Variants in METTL15 observed in about 807,000 individuals in gnomAD.
The protein encoded by METTL15 is methyltransferase 15, mitochondrial 12S rRNA N4-cytidine, also known as 12S rRNA N(4)-cytidine methyltransferase METTL15.
A neutral mutation model predicts 38.3 loss-of-function variants in METTL15; 34 were observed. The ratio of observed to expected loss-of-function variants is 0.89; its 90% CI spans 0.68 to 1.18. METTL15 has a LOEUF of 1.18. Ranked by LOEUF, METTL15 falls within the 50% of genes most tolerant of loss-of-function variation. The pLI is 0.00. For missense variants in METTL15, 438 were observed against 498.4 expected (o/e 0.88, Z 1.15); for synonymous variants, 162 against 170.9 (o/e 0.95, Z 0.41).
chr11:28,392,489 G>C (rs542565209), intron 5 of METTL15, among the ~76,000 whole-genome samples: 53 of 152,056 alleles, frequency 3.5e-4, no homozygotes, highest in Non-Finnish European at 7.4e-4. Flanking sequence ...ATGTGGAAAA[G>C]ATAGTCTCTT....
intron 4 of METTL15, among the ~76,000 whole-genome samples, chr11:28,237,000 G>C (rs1022230206): frequency 6.6e-6 from 1 of 151,930 alleles, no homozygotes; most frequent in Non-Finnish European, 1.5e-5. Context: ...TCCCTTTGTG[G>C]GTAACCCGAT....
At chr11:28,217,490 T>G (rs1228085243) in intron 4 of METTL15, among the ~76,000 whole-genome samples, 3 of 152,166 alleles carry the variant, frequency 2.0e-5, no homozygotes, top group Admixed American at 6.5e-5. Context: ...TGCAAAAATT[T>G]TCTCCCATTC....
intron 6 of METTL15, among the ~76,000 whole-genome samples, chr11:28,429,428 GACTGT>G (rs1311207347): frequency 1.8e-5 from 2 of 110,088 alleles, no homozygotes; most frequent in African/African-American, 7.1e-5. Flanking sequence ...GCCGAAGCTG[GACTGT>G]ACTGCTGCCA....
At chr11:28,150,062 C>T (rs1405985190) in intron 3 of METTL15, among the ~76,000 whole-genome samples, 2 of 151,880 alleles carry the variant, frequency 1.3e-5, no homozygotes, top group South Asian at 2.1e-4. Context: ...CAGGGTACAT[C>T]TCTTGGGCAG....
intron 3 of METTL15, among the ~76,000 whole-genome samples, chr11:28,189,932 T>C (rs1161549805): frequency 6.6e-6 from 1 of 151,344 alleles, no homozygotes; most frequent in Non-Finnish European, 1.5e-5. Flanking sequence ...ACAGACTTCA[T>C]ATATATTTGC....
At chr11:28,295,490 A>ACTCGGGAGGCTGAGGCAGGAGAATCT (rs1856697984) in intron 5 of METTL15, among the ~76,000 whole-genome samples, 1 of 151,906 alleles carries the variant, frequency 6.6e-6, no homozygotes, top group Non-Finnish European at 1.5e-5. Context: ...ATTGTAAGCT[A>ACTCGGGAGGCTGAGGCAGGAGAATCT]CTCGGGAGGC....
At chr11:28,338,677 A>G (rs1849922988) in intron 3 of METTL15, among the ~76,000 whole-genome samples, 1 of 152,122 alleles carries the variant, frequency 6.6e-6, no homozygotes, top group Non-Finnish European at 1.5e-5. Context: ...AATGAAAGAA[A>G]CAGAGTTTGG....
chr11:28,241,964 G>T (rs372349284), intron 4 of METTL15, among the ~76,000 whole-genome samples: 1 of 152,192 alleles, frequency 6.6e-6, no homozygotes, highest in Non-Finnish European at 1.5e-5. Flanking sequence ...AGAGTTTTCA[G>T]TGAGTGACAT....
intron 4 of METTL15, among the ~76,000 whole-genome samples, chr11:28,279,931 A>AG: frequency 6.7e-6 from 1 of 150,180 alleles, no homozygotes; most frequent in Admixed American, 6.7e-5. Context: ...AAAAAAAAAA[A>AG]GGAAGGCTAA....
chr11:28,401,292 C>A (rs1850628461), intron 5 of METTL15, among the ~76,000 whole-genome samples: 1 of 151,946 alleles, frequency 6.6e-6, no homozygotes, highest in Non-Finnish European at 1.5e-5. Context: ...AAATACCTGC[C>A]TGGGATAATC....
At chr11:28,412,289 A>G (rs982927571) in intron 5 of METTL15, among the ~76,000 whole-genome samples, 1 of 151,998 alleles carries the variant, frequency 6.6e-6, no homozygotes, top group Non-Finnish European at 1.5e-5. Context: ...GGATGTGTGC[A>G]TGCCCATGAT....
chr11:28,340,627 A>G (rs1174392792), intron 3 of METTL15, among the ~76,000 whole-genome samples: 1 of 152,198 alleles, frequency 6.6e-6, no homozygotes, highest in African/African-American at 2.4e-5. Flanking sequence ...ATGAGATACC[A>G]TCTCACGCCA....
chr11:28,509,550 T>G (rs545272465), intron 6 of METTL15, among the ~76,000 whole-genome samples: 83 of 152,000 alleles, frequency 5.5e-4, no homozygotes, highest in African/African-American at 1.9e-3. Context: ...ACATCCCAGA[T>G]GTAGAATAAT....
At chr11:28,296,109 A>G (rs931889087) in intron 5 of METTL15, among the ~76,000 whole-genome samples, 4 of 152,150 alleles carry the variant, frequency 2.6e-5, no homozygotes, top group African/African-American at 9.6e-5. Flanking sequence ...GACTTGTTCA[A>G]TACTGCTTAT....
intron 3 of METTL15, among the ~76,000 whole-genome samples, chr11:28,168,375 T>TA (rs894345606): frequency 3.3e-5 from 5 of 151,796 alleles, no homozygotes; most frequent in African/African-American, 7.2e-5. Context: ...AAATCTTTCT[T>TA]AAATAGATCA....
At chr11:28,162,980 G>A (rs147983962) in intron 3 of METTL15, among the ~76,000 whole-genome samples, 1 of 152,186 alleles carries the variant, frequency 6.6e-6, no homozygotes, top group African/African-American at 2.4e-5. Context: ...AGCAAACATG[G>A]TGTAGATTGT....
chr11:28,469,141 G>A (rs2582898), intron 6 of METTL15, among the ~76,000 whole-genome samples: 147,907 of 152,214 alleles, frequency 0.97, 71,968 homozygotes, highest in East Asian at 1. Flanking sequence ...ACAACTTTTG[G>A]GCAATAATAT....
At chr11:28,507,363 G>T (rs963945754) in intron 6 of METTL15, among the ~76,000 whole-genome samples, 9 of 152,036 alleles carry the variant, frequency 5.9e-5, no homozygotes, top group Non-Finnish European at 4.4e-5. Flanking sequence ...GATCTCCTAA[G>T]AACTCACTAT....
At chr11:28,363,782 C>T (rs368527133) in intron 5 of METTL15, among the ~76,000 whole-genome samples, 149 of 152,178 alleles carry the variant, frequency 9.8e-4, no homozygotes, top group African/African-American at 1.9e-3. Context: ...AAGTATATTT[C>T]CTAGGTTTTC....
Sources: gnomAD v4.1 joint callset for allele counts (sites outside exome capture counted in the v4.1 genomes callset) on GRCh38, gnomAD v4.1.1 for gene constraint, MANE v1.5 for transcripts, NCBI Gene and HGNC (gene_info 2026-07-23, HGNC 2026-07-21) for gene names.